The following KIRREL3 variants were observed in gnomAD, a reference collection of about 807,000 sequenced individuals.
KIRREL3 encodes kirre like nephrin family adhesion molecule 3.
KIRREL3 carries 36 observed loss-of-function variants against 89.7 expected under a neutral mutation model. The ratio of observed to expected loss-of-function variants is 0.40; its 90% CI spans 0.31 to 0.53. The LOEUF (loss-of-function observed/expected upper bound fraction) is 0.53, where lower values mean the gene tolerates loss of function less well. Ranked by LOEUF, KIRREL3 falls within the 20% of genes least tolerant of loss-of-function variation. KIRREL3 has a pLI of 0.49. For missense variants in KIRREL3, 864 were observed against 1,056.6 expected, an observed-to-expected ratio of 0.82 and a Z score of 2.53; for synonymous variants, 445 against 441.4, an observed-to-expected ratio of 1.01 and a Z score of -0.10.
chr11:126,734,806 G>A lies in KIRREL3; in HGVS notation c.56-171894C>T, dbSNP rs1948747247. ...GGAGACTGATGAGCAGGTCAGAGAAGTTTTCGTTGGAGGGGTACTTTCTGA... is the reference window on the plus strand; with the variant it reads ...GGAGACTGATGAGCAGGTCAGAGAAATTTTCGTTGGAGGGGTACTTTCTGA... On this transcript the variant is annotated intron_variant, in intron 1 of 16. Transcript: ENST00000525144. This position sits in a 1 kb window ranked among gnomAD's most constrained non-coding sequence, Gnocchi z 5.9. Among the ~76,000 whole-genome samples the A allele has an allele frequency of 6.6e-6, 1 of 152,194 alleles. No individual in the cohort carries two copies. The highest frequency in any genetic ancestry group is 1.5e-5 in the Non-Finnish European group (1 of 68,026).
chr11:126,625,180 G>A (rs1467626345), intron 1 of KIRREL3, among the ~76,000 whole-genome samples: 3 of 152,148 alleles, frequency 2.0e-5, no homozygotes, highest in African/African-American at 2.4e-5. Flanking sequence ...TTCAGTGCAC[G>A]ATTCCAGTGA....
At chr11:126,638,962 G>A (rs558788148) in intron 1 of KIRREL3, among the ~76,000 whole-genome samples, 16 of 152,062 alleles carry the variant, frequency 1.1e-4, no homozygotes, top group African/African-American at 2.2e-4. Context: ...CTGCATCCCC[G>A]GGGGCTGGAC....
chr11:126,554,052 C>G (rs914994023), intron 2 of KIRREL3, among the ~76,000 whole-genome samples: 1 of 152,138 alleles, frequency 6.6e-6, no homozygotes, highest in Non-Finnish European at 1.5e-5. Flanking sequence ...GCACCTCACA[C>G]AGTTCCAGAG....
intron 1 of KIRREL3, among the ~76,000 whole-genome samples, chr11:126,964,694 G>A (rs1385144341): frequency 2.0e-5 from 3 of 152,106 alleles, no homozygotes; most frequent in Non-Finnish European, 4.4e-5. Flanking sequence ...TCAGAACGAA[G>A]GCAGCACAGA....
chr11:126,773,943 TA>T lies in KIRREL3; in HGVS notation c.56-211032del, dbSNP rs1950094939. 6.6e-6 allele frequency among the ~76,000 whole-genome samples: 1 copy of T among 152,164 alleles called. No individual in the cohort carries two copies. Among genetic ancestry groups the T allele is most frequent in the Admixed American group, 6.5e-5 (1 of 15,274 alleles). ...TTGTCCACTCTTAACTCTTTTTTAC[TA>T]TTGAATATCTTATCAAATAGGAACA... On this transcript the variant is annotated intron_variant, in intron 1 of 16. Coordinates refer to ENST00000525144, the MANE Select transcript of KIRREL3 (RefSeq NM_032531.4). The surrounding 1 kb of genome is among the most constrained non-coding windows in gnomAD (Gnocchi z 4.2).
Position 126,931,896 on chromosome 11 carries a change from G to A in KIRREL3, c.55+68559C>T, listed in dbSNP as rs900533990. Among the ~76,000 whole-genome samples the A allele has an allele frequency of 5.9e-5, 9 of 152,310 alleles. No individual in the cohort carries two copies. The highest frequency in any genetic ancestry group is 3.4e-3 in the Middle Eastern group (1 of 294). ...AGGAGTAGATGGACGAGGCATACTC[G>A]TACCAAGGAGGGCATAAGGATTTTA... is the stretch of plus-strand genomic sequence containing the variant. On this transcript the variant is annotated intron_variant, in intron 1 of 16. Transcript: ENST00000525144. The surrounding 1 kb of genome is among the most constrained non-coding windows in gnomAD (Gnocchi z 5.1).
At position 126,710,895 on chromosome 11, in the gene KIRREL3, C is replaced by A. The variant is rs1193197825; in HGVS notation, c.56-147983G>T. ...TAATTAATTAAACTTTAATTAATGT[C>A]TTGACAGTAGTCTCAACCTGATAGG... On this transcript the variant is annotated intron_variant, in intron 1 of 16. Coordinates refer to ENST00000525144, the MANE Select transcript of KIRREL3 (RefSeq NM_032531.4). This position sits in a 1 kb window ranked among gnomAD's most constrained non-coding sequence, Gnocchi z 4.2. Among the ~76,000 whole-genome samples, 1 of 152,150 alleles carries A rather than the reference C, an allele frequency of 6.6e-6. No individual in the cohort carries two copies. Among genetic ancestry groups the A allele is most frequent in the African/African-American group, 2.4e-5 (1 of 41,428 alleles).
rs139129960 is a variant in KIRREL3, at chr11:126,539,846, A to G, written c.134-13159T>C. On this transcript the variant is annotated intron_variant, in intron 2 of 16. Transcript: ENST00000525144. ...GTCAGGCAGTAGGAGAAGTATTTTC[A>G]GGTGTCCTCTCACTTGGTGTTGACC... Among the ~76,000 whole-genome samples the G allele has an allele frequency of 1.3e-3, 205 of 152,338 alleles. 4 individuals carry two copies. The South Asian group carries it at 0.033, about 25-fold the overall frequency.
intron 1 of KIRREL3, among the ~76,000 whole-genome samples, chr11:126,781,152 C>T (rs1022541984): frequency 6.6e-6 from 1 of 152,148 alleles, no homozygotes; most frequent in African/African-American, 2.4e-5. Context: ...TCTATGTCTG[C>T]AAGACTTTCT....
rs1216259946 is a variant in KIRREL3 at position 126,742,599 on chromosome 11, C to T, written c.56-179687G>A. On this transcript the variant is annotated intron_variant, in intron 1 of 16. Coordinates refer to ENST00000525144, the MANE Select transcript of KIRREL3 (RefSeq NM_032531.4). This position sits in a 1 kb window ranked among gnomAD's most constrained non-coding sequence, Gnocchi z 5.3. ...TGAGGAAACCAAGGTTCAGAGAGGG[C>T]AAGTGACTTGTCAAGGTCACATAGC... Among the ~76,000 whole-genome samples the T allele has an allele frequency of 6.6e-6, 1 of 152,192 alleles. No individual in the cohort carries two copies. Among genetic ancestry groups the T allele is most frequent in the Non-Finnish European group, 1.5e-5 (1 of 68,032 alleles).
intron 1 of KIRREL3, among the ~76,000 whole-genome samples, chr11:126,839,207 A>G (rs1193372530): frequency 6.6e-6 from 1 of 152,216 alleles, no homozygotes; most frequent in Non-Finnish European, 1.5e-5. Flanking sequence ...ACATGTATTG[A>G]TCATGTACAA....
At chr11:126,933,804 G>T (rs1483581848) in intron 1 of KIRREL3, among the ~76,000 whole-genome samples, 1 of 149,352 alleles carries the variant, frequency 6.7e-6, no homozygotes, top group African/African-American at 2.5e-5. Context: ...AAAACATGGA[G>T]AGAAATTAAA....
chr11:126,478,661 G>A (rs559716532), intron 4 of KIRREL3, among the ~76,000 whole-genome samples: 11 of 152,080 alleles, frequency 7.2e-5, no homozygotes, highest in African/African-American at 2.7e-4. Flanking sequence ...ATGTGTATAT[G>A]TATATATGTA....
chr11:126,604,764 T>C (rs1416670250), intron 1 of KIRREL3, among the ~76,000 whole-genome samples: 1 of 152,150 alleles, frequency 6.6e-6, no homozygotes, highest in Non-Finnish European at 1.5e-5. Context: ...GTGTCCATGT[T>C]TGGAACACAA....
At position 126,622,012 on chromosome 11, in the gene KIRREL3, G is replaced by A. The variant is rs985520223; in HGVS notation, c.56-59100C>T. 1.3e-5 allele frequency among the ~76,000 whole-genome samples: 2 copies of A among 152,148 alleles called. No individual in the cohort carries two copies. The highest frequency in any genetic ancestry group is 2.9e-5 in the Non-Finnish European group (2 of 68,026). The stretch of plus-strand genomic sequence containing the variant: ...TACATTGTAGTCTCTGGGACTGTTG[G>A]TTGTATTTCTGGACAGTTGAGGTGC... On this transcript the variant is annotated intron_variant, in intron 1 of 16. Coordinates refer to ENST00000525144, the MANE Select transcript of KIRREL3 (RefSeq NM_032531.4). This position sits in a 1 kb window ranked among gnomAD's most constrained non-coding sequence, Gnocchi z 5.2.
chr11:126,446,355 T>C (rs73031007), intron 9 of KIRREL3, among the ~76,000 whole-genome samples: 65,345 of 150,212 alleles, frequency 0.44, 14,752 homozygotes, highest in Middle Eastern at 0.54. Flanking sequence ...TTCTTTTTTT[T>C]CCCCAAGGTC....
In KIRREL3 at chr11:126,552,527, C is replaced by CATCACACA. The variant is rs1190921209; in HGVS notation, c.133+10300_133+10307dup. 1.4e-4 allele frequency among the ~76,000 whole-genome samples: 21 copies of CATCACACA among 145,248 alleles called. No homozygotes were observed. In the South Asian group the frequency reaches 4.7e-3, roughly 33 times the overall value. On this transcript the variant is annotated intron_variant, in intron 2 of 16. Coordinates refer to ENST00000525144, the MANE Select transcript of KIRREL3 (RefSeq NM_032531.4). ...TGCAGCCCTGGTCCCGGGATCACTG[C>CATCACACA]ATCACACAGGGGAGAGAGAAAAGTT...
chr11:126,840,523 A>G (rs1184188286), intron 1 of KIRREL3, among the ~76,000 whole-genome samples: 1 of 152,190 alleles, frequency 6.6e-6, no homozygotes, highest in Non-Finnish European at 1.5e-5. Flanking sequence ...ACCTACACAT[A>G]TTAGTCCCCC....
intron 1 of KIRREL3, among the ~76,000 whole-genome samples, chr11:126,626,773 G>A (rs185486564): frequency 3.9e-5 from 6 of 152,264 alleles, no homozygotes; most frequent in East Asian, 1.9e-4. Flanking sequence ...CGGGCAGATC[G>A]CCTGAGGTCA....
Sources: gnomAD v4.1 joint callset for allele counts (sites outside exome capture counted in the v4.1 genomes callset) on GRCh38, gnomAD v4.1.1 for gene constraint, Gnocchi (gnomAD v3.1) non-coding constraint, MANE v1.5 for transcripts, NCBI Gene and HGNC (gene_info 2026-07-23, HGNC 2026-07-21) for gene names.